The following ABCC9 variants were observed in gnomAD, a reference collection of about 807,000 sequenced individuals.
The protein encoded by ABCC9 is ATP-binding cassette sub-family C member 9.
ABCC9 carries 95 observed loss-of-function variants against 188.3 expected under a neutral mutation model. The ratio of observed to expected loss-of-function variants is 0.50; its 90% CI spans 0.43 to 0.60. The LOEUF is 0.60. Among genes scored for constraint, ABCC9 ranks in the 20% least tolerant of loss-of-function variants. The pLI is 0.00. For synonymous variants in ABCC9, 659 were observed against 652.7 expected (o/e 1.01, Z -0.15); for missense variants, 1,102 against 1,876.3 (o/e 0.59, Z 7.62).
rs946680638 is a variant in ABCC9, at chr12:21,933,772, G to T, written c.284+10C>A. ...TACTGCAGTGGTATTATTTAACTTA[G>T]ATCACTTACGAGTCTGAAACAATGC... On this transcript the variant is annotated intron_variant, in intron 4 of 39. Transcript: ENST00000261200. 4 of 1,613,224 alleles carry T rather than the reference G, an allele frequency of 2.5e-6. No individual in the cohort carries two copies. The Admixed American group carries it at 5.0e-5, about 20-fold the overall frequency.
intron 12 of ABCC9, among the ~76,000 whole-genome samples, chr12:21,899,957 G>T (rs1331519404): frequency 6.6e-6 from 1 of 152,202 alleles, no homozygotes; most frequent in Non-Finnish European, 1.5e-5. Flanking sequence ...GCTTTGAAGA[G>T]AGTAGTGGTT....
Position 21,841,604 on chromosome 12 carries a change from G to A in ABCC9, c.3473+710C>T, listed in dbSNP as rs371396055. On this transcript the variant is annotated intron_variant, in intron 29 of 39. Coordinates refer to ENST00000261200, the MANE Select transcript of ABCC9 (RefSeq NM_020297.4). ...GAACTCCTGACCTCACGATCCGCCC[G>A]CCTCAGACCCCCAAAGTGCTGGGAT... Among the ~76,000 whole-genome samples the A allele has an allele frequency of 1.4e-4, 22 of 151,992 alleles. 1 individual carries two copies. The East Asian group carries it at 1.9e-3, about 13-fold the overall frequency.
At chr12:21,898,682 C>G (rs1305201905) in intron 12 of ABCC9, among the ~76,000 whole-genome samples, 1 of 152,100 alleles carries the variant, frequency 6.6e-6, no homozygotes, top group African/African-American at 2.4e-5. Flanking sequence ...ATGAGCAAAA[C>G]TGACACATAA....
intron 7 of ABCC9, among the ~76,000 whole-genome samples, chr12:21,915,339 AC>A: frequency 1.4e-5 from 2 of 142,966 alleles, no homozygotes; most frequent in Admixed American, 1.4e-4. Context: ...GTATATATAG[AC>A]ATGTGTATGT....
At chr12:21,904,823 T>C (rs1271574642) in intron 12 of ABCC9, among the ~76,000 whole-genome samples, 1 of 152,346 alleles carries the variant, frequency 6.6e-6, no homozygotes, top group East Asian at 1.9e-4. Context: ...ACTTTTACAC[T>C]GTTCGTGGGA....
At chr12:21,820,641 A>G (rs1202762598) in intron 31 of ABCC9, among the ~76,000 whole-genome samples, 3 of 152,014 alleles carry the variant, frequency 2.0e-5, no homozygotes, top group Admixed American at 1.3e-4. Flanking sequence ...CTGTACTCCA[A>G]CCACACTAGC....
At position 21,815,761 on chromosome 12, in the gene ABCC9, A is replaced by G; in HGVS notation, c.4023+2T>C. On this transcript the variant is annotated splice_donor_variant, in intron 34 of 39. Coordinates refer to ENST00000261200, the MANE Select transcript of ABCC9 (RefSeq NM_020297.4). LOFTEE classifies it high-confidence loss of function. ...AACATATCAAATGCAGTGATTTCAT[A>G]CCTTTTGTCCAGGTTTGATGTAAGC... 1 of 1,612,512 alleles carries G rather than the reference A, an allele frequency of 6.2e-7. No homozygotes were observed. The highest frequency in any genetic ancestry group is 8.5e-7 in the Non-Finnish European group (1 of 1,179,250).
chr12:21,861,220 ACTT>A (rs1232602624), intron 20 of ABCC9, among the ~76,000 whole-genome samples, 165 bp from the exon 21 acceptor site: 1 of 124,310 alleles, frequency 8.0e-6, no homozygotes, highest in Non-Finnish European at 1.6e-5. Context: ...CATAAGTACT[ACTT>A]CCCCCCCCTT....
rs1383094081 is a variant in ABCC9, at chr12:21,923,712, G to A, written c.406+2230C>T. 4.9e-6 allele frequency: 3 copies of A among 607,306 alleles called. No individual in the cohort carries two copies. In the East Asian group the frequency reaches 8.4e-5, roughly 17 times the overall value. 37.6% of individuals were successfully genotyped at this position (607,306 alleles called of 1,614,324 possible). On this transcript the variant is annotated intron_variant, in intron 5 of 39. Transcript: ENST00000261200. ...ACAAACATTTTGGGAAAAGATGTCAGTTTCTTAAAATATGAACATTTACCC... is the reference window on the plus strand; with the variant it reads ...ACAAACATTTTGGGAAAAGATGTCAATTTCTTAAAATATGAACATTTACCC...
chr12:21,881,044 AC>A (rs1252694894), intron 16 of ABCC9, among the ~76,000 whole-genome samples: 1 of 152,182 alleles, frequency 6.6e-6, no homozygotes. Context: ...AGCAACACAC[AC>A]ACACACATAT....
At chr12:21,861,786 C>G (rs942314608) in intron 20 of ABCC9, among the ~76,000 whole-genome samples, 8 of 152,050 alleles carry the variant, frequency 5.3e-5, no homozygotes, top group Non-Finnish European at 1.0e-4. Context: ...TAAAAAAGTT[C>G]ATGATGAATG....
At chr12:21,940,166 C>T (rs894563039) in intron 2 of ABCC9, among the ~76,000 whole-genome samples, 16 of 152,134 alleles carry the variant, frequency 1.1e-4, no homozygotes, top group Admixed American at 1.3e-4. Context: ...TAGCAGAAAG[C>T]GTTAGTTCTG....
At position 21,936,688 on chromosome 12, in the gene ABCC9, GT is replaced by G; in HGVS notation, c.-15del. ...TGAAAGGCTCATTTCTTCTTATATG[GT>G]TTACTCTAAAAGGGAGAGAAATGAG... On this transcript the variant is annotated 5_prime_UTR_variant, in exon 3 of 40. Transcript: ENST00000261200. 6.2e-7 allele frequency: 1 copy of G among 1,600,620 alleles called. No homozygotes were observed. Among genetic ancestry groups the G allele is most frequent in the Non-Finnish European group, 8.6e-7 (1 of 1,168,402 alleles).
chr12:21,805,109 C>T (rs1454065826), intron 39 of ABCC9: 9 of 1,607,824 alleles, frequency 5.6e-6, no homozygotes, highest in Non-Finnish European at 7.7e-6. Flanking sequence ...CCATGCCTTA[C>T]TGAGAGGATA....
At chr12:21,821,368 G>T (rs868497840) in intron 31 of ABCC9, among the ~76,000 whole-genome samples, 1 of 152,024 alleles carries the variant, frequency 6.6e-6, no homozygotes, top group Non-Finnish European at 1.5e-5. Flanking sequence ...AAAGTGAAAA[G>T]TACTTTTACC....
chr12:21,834,868 CA>C (rs1943989628), intron 30 of ABCC9, among the ~76,000 whole-genome samples: 1 of 151,568 alleles, frequency 6.6e-6, no homozygotes, highest in Non-Finnish European at 1.5e-5. Context: ...TGATCTTTCC[CA>C]CCATTAACTT....
At chr12:21,871,863 A>G (rs1025457739) in intron 18 of ABCC9, among the ~76,000 whole-genome samples, 1 of 152,218 alleles carries the variant, frequency 6.6e-6, no homozygotes, top group Non-Finnish European at 1.5e-5. Flanking sequence ...CCACTGGTCT[A>G]TAGCCTAATT....
intron 28 of ABCC9, among the ~76,000 whole-genome samples, 181 bp downstream of exon 28, chr12:21,844,302 G>T (rs1042456472): frequency 6.6e-6 from 1 of 152,028 alleles, no homozygotes; most frequent in African/African-American, 2.4e-5. Flanking sequence ...TCTGAGTTAA[G>T]ATTTTCCTTT....
At chr12:21,869,908 G>C (rs1945980556) in intron 18 of ABCC9, among the ~76,000 whole-genome samples, 1 of 152,098 alleles carries the variant, frequency 6.6e-6, no homozygotes, top group African/African-American at 2.4e-5. Context: ...TAAAATATCT[G>C]TATTCCATAC....
Sources: gnomAD v4.1 joint callset for allele counts (sites outside exome capture counted in the v4.1 genomes callset) on GRCh38, gnomAD v4.1.1 for gene constraint, MANE v1.5 for transcripts, NCBI Gene and HGNC (gene_info 2026-07-23, HGNC 2026-07-21) for gene names.